BCL2L13: variants seen among roughly 807,000 people sequenced by gnomAD.
The protein encoded by BCL2L13 is bcl-2-like protein 13.
In BCL2L13, 13 loss-of-function variants were observed where a neutral mutation model predicts 25.8. The ratio of observed to expected loss-of-function variants is 0.50; its 90% CI spans 0.33 to 0.80. The LOEUF (loss-of-function observed/expected upper bound fraction) is 0.80. Ranked by LOEUF, BCL2L13 falls within the 30% of genes least tolerant of loss-of-function variation. The pLI, the probability that BCL2L13 is intolerant of heterozygous loss-of-function variation, is 0.02. For synonymous variants in BCL2L13, 244 were observed against 230.3 expected, an observed-to-expected ratio of 1.06 and a Z score of -0.54; for missense variants, 504 against 574.9, an observed-to-expected ratio of 0.88 and a Z score of 1.26.
upstream of BCL2L13, among the ~76,000 whole-genome samples, chr22:17,635,214 G>A (rs966570133): frequency 1.7e-4 from 26 of 149,526 alleles, no homozygotes; most frequent in Admixed American, 4.7e-4. Flanking sequence ...ACAGCAAGAC[G>A]CTATCTCTAC....
Position 17,680,527 on chromosome 22 carries a change from AAAAAAAAAAAAAAAG to A in BCL2L13, c.122-2679_122-2665del, listed in dbSNP as rs1171202648. On this transcript the variant is annotated intron_variant, in intron 2 of 6. Coordinates refer to ENST00000317582, the MANE Select transcript of BCL2L13 (RefSeq NM_015367.4). ...ACTCTGTCTCAAAAAAAAAAAAAAA[AAAAAAAAAAAAAAAG>A]AAAAAAAGACTCATACCTAGAAAGG... Among the ~76,000 whole-genome samples the A allele has an allele frequency of 6.5e-4, 63 of 97,606 alleles. 2 individuals carry two copies. The highest frequency in any genetic ancestry group is 6.1e-3 in the South Asian group (23 of 3,772). The allele number at this position is 97,606 out of a possible 152,430, so 64.0% of individuals were successfully genotyped here.
chr22:17,692,163 C>T (rs549412446), intron 4 of BCL2L13, among the ~76,000 whole-genome samples: 1 of 152,188 alleles, frequency 6.6e-6, no homozygotes, highest in Non-Finnish European at 1.5e-5. Flanking sequence ...TACAGAAGAA[C>T]AACAGCTGTT....
At chr22:17,653,234 A>G (rs16980995) in intron 1 of BCL2L13, among the ~76,000 whole-genome samples, 2,252 of 151,328 alleles carry the variant, frequency 0.015, 56 homozygotes, top group African/African-American at 0.05. Context: ...CCTTCCCAAA[A>G]CCGACTCTTC....
intron 1 of BCL2L13, among the ~76,000 whole-genome samples, chr22:17,655,412 T>A (rs1230399931): frequency 6.6e-6 from 1 of 151,370 alleles, no homozygotes; most frequent in East Asian, 2.0e-4. Flanking sequence ...TGCATGTAAT[T>A]GTATGTGCAG....
intron 1 of BCL2L13, among the ~76,000 whole-genome samples, chr22:17,641,561 T>C (rs752221659): frequency 6.6e-6 from 1 of 152,140 alleles, no homozygotes. Context: ...TGACATATAA[T>C]TAACGTACCA....
intron 6 of BCL2L13, among the ~76,000 whole-genome samples, chr22:17,714,121 G>A (rs1031406746): frequency 1.8e-4 from 28 of 151,868 alleles, no homozygotes; most frequent in East Asian, 1.7e-3. Context: ...GTGAAACCCC[G>A]TCTCTACTAA....
intron 3 of BCL2L13, among the ~76,000 whole-genome samples, chr22:17,686,646 G>C (rs865968760): frequency 6.6e-6 from 1 of 151,702 alleles, no homozygotes; most frequent in Non-Finnish European, 1.5e-5. Flanking sequence ...GAGTAGCTGG[G>C]ATTATAGGCG....
intron 6 of BCL2L13, among the ~76,000 whole-genome samples, chr22:17,725,847 C>G (rs1246388674): frequency 1.3e-5 from 2 of 150,636 alleles, no homozygotes; most frequent in Non-Finnish European, 3.0e-5. Context: ...ACATTTACTT[C>G]TTTTTGTATG....
upstream of BCL2L13, chr22:17,638,193 C>G (rs1326388756): frequency 2.6e-5 from 4 of 153,224 alleles, no homozygotes; most frequent in Admixed American, 6.5e-5. Context: ...GCTGTGTGTT[C>G]CAGGTACTGT....
chr22:17,723,942 C>CAA (rs1165754684), intron 6 of BCL2L13, among the ~76,000 whole-genome samples: 32 of 132,688 alleles, frequency 2.4e-4, no homozygotes, highest in African/African-American at 7.6e-4. Context: ...AAAAAAAAAA[C>CAA]AAAAAAAAAC....
intron 2 of BCL2L13, among the ~76,000 whole-genome samples, chr22:17,662,725 G>A (rs116543906): frequency 0.015 from 2,253 of 151,882 alleles, 56 homozygotes; most frequent in African/African-American, 0.05. Context: ...AGGCTGAGGT[G>A]GAAGGATTAC....
At chr22:17,667,290 G>A in intron 2 of BCL2L13, among the ~76,000 whole-genome samples, 1 of 151,580 alleles carries the variant, frequency 6.6e-6, no homozygotes, top group East Asian at 2.0e-4. Context: ...TCCTGCCTAA[G>A]CCTCCTGAGT....
chr22:17,685,705 T>C, intron 3 of BCL2L13, among the ~76,000 whole-genome samples: 1 of 151,790 alleles, frequency 6.6e-6, no homozygotes, highest in Non-Finnish European at 1.5e-5. Context: ...CTGCTGTGAA[T>C]ATTCTTGTGC....
chr22:17,678,987 C>T (rs1377578277), intron 2 of BCL2L13, among the ~76,000 whole-genome samples: 1 of 152,130 alleles, frequency 6.6e-6, no homozygotes, highest in African/African-American at 2.4e-5. Flanking sequence ...TTCATTGTCC[C>T]CACAAGTTAC....
intron 6 of BCL2L13, among the ~76,000 whole-genome samples, chr22:17,725,311 A>G (rs184063551): frequency 2.0e-5 from 3 of 152,288 alleles, no homozygotes; most frequent in East Asian, 1.9e-4. Context: ...CTGACCTTCT[A>G]TTCTTCATGG....
intron 2 of BCL2L13, among the ~76,000 whole-genome samples, chr22:17,657,823 CTTTTTTTT>C (rs71201859): frequency 2.3e-5 from 2 of 85,770 alleles, no homozygotes; most frequent in East Asian, 9.0e-4. Flanking sequence ...GTTGACATTT[CTTTTTTTT>C]TTTTTTTTTT....
intron 6 of BCL2L13, among the ~76,000 whole-genome samples, chr22:17,717,532 C>T (rs1271045338): frequency 6.6e-6 from 1 of 152,024 alleles, no homozygotes; most frequent in Non-Finnish European, 1.5e-5. Context: ...CAAGCTTATC[C>T]TCCTGCCTGG....
At chr22:17,632,728 G>A (rs572744771) in intron 1 of BCL2L13, among the ~76,000 whole-genome samples, 1 of 150,786 alleles carries the variant, frequency 6.6e-6, no homozygotes, top group Admixed American at 6.6e-5. Flanking sequence ...GGAAAACAGT[G>A]TGATAATCTT....
At position 17,716,710 on chromosome 22, in the gene BCL2L13, G is replaced by T. The variant is rs552718240; in HGVS notation, c.601-9967G>T. On this transcript the variant is annotated intron_variant, in intron 6 of 6. Coordinates refer to ENST00000317582, the MANE Select transcript of BCL2L13 (RefSeq NM_015367.4). ...GTTTGCCGGCTTGCTTTTTAACTGA[G>T]TCAGAAAATTATAAATAGACTTCAA... Among the ~76,000 whole-genome samples the T allele has an allele frequency of 2.0e-5, 3 of 152,272 alleles. No individual in the cohort carries two copies. The South Asian group carries it at 6.2e-4, about 32-fold the overall frequency.
Sources: gnomAD v4.1 joint callset for allele counts (sites outside exome capture counted in the v4.1 genomes callset) on GRCh38, gnomAD v4.1.1 for gene constraint, MANE v1.5 for transcripts, NCBI Gene and HGNC (gene_info 2026-07-23, HGNC 2026-07-21) for gene names.